The following MCM6 variants were observed in gnomAD, a reference collection of about 807,000 sequenced individuals.
The protein encoded by MCM6 is minichromosome maintenance complex component 6.
MCM6 carries 46 observed loss-of-function variants against 94.3 expected under a neutral mutation model. That is an observed-to-expected ratio of 0.49 (90% confidence interval 0.39 to 0.62). The LOEUF is 0.62. Ranked by LOEUF, MCM6 falls within the 20% of genes least tolerant of loss-of-function variation. The probability of loss-of-function intolerance (pLI) is 0.00; values close to 1 mark genes in which losing one functional copy is unlikely to be tolerated. For synonymous variants in MCM6, 335 were observed against 351.9 expected (o/e 0.95, Z 0.54); for missense variants, 865 against 1,017.9 (o/e 0.85, Z 2.04).
chr2:135,875,952 G>A (rs1680287701), intron 1 of MCM6, among the ~76,000 whole-genome samples: 2 of 152,224 alleles, frequency 1.3e-5, no homozygotes, highest in Non-Finnish European at 2.9e-5. Flanking sequence ...TTTCCGCGCC[G>A]GTCACCGAGG....
intron 11 of MCM6, among the ~76,000 whole-genome samples, chr2:135,855,872 G>A (rs1487492373): frequency 6.6e-6 from 1 of 151,992 alleles, no homozygotes; most frequent in Non-Finnish European, 1.5e-5. Flanking sequence ...CATCTGAAGT[G>A]CATTATTAAA....
Position 135,876,336 on chromosome 2 carries a change from G to A in MCM6, c.30C>T (p.Gly10=). The A allele has an allele frequency of 6.2e-7, 1 of 1,609,098 alleles. No homozygotes were observed. Among genetic ancestry groups the A allele is most frequent in the Non-Finnish European group, 8.5e-7 (1 of 1,179,164 alleles). MDLAAAAEP[G]AGSQHLEVRD... ...GGACCTCCAGGTGCTGGCTGCCGGC[G>A]CCCGGCTCCGCTGCCGCCGCGAGGT... The change falls in exon 1 of 17, where the codon GGC becomes GGT. Residue 10 remains glycine (G), a synonymous_variant. Coordinates refer to ENST00000264156, the MANE Select transcript of MCM6 (RefSeq NM_005915.6).
At chr2:135,855,052 AG>A (rs1172559217) in intron 11 of MCM6, among the ~76,000 whole-genome samples, 1 of 152,198 alleles carries the variant, frequency 6.6e-6, no homozygotes, top group African/African-American at 2.4e-5. Context: ...GCTACTCAGG[AG>A]GCTGAGGCAG....
chr2:135,866,667 A>C lies in MCM6; in HGVS notation c.677T>G (p.Val226Gly). The change falls in exon 5 of 17, where the codon GTA (valine) becomes GGA (glycine). Residue 226 changes from valine (V) to glycine (G), a missense_variant. By Grantham distance (109) the Val-to-Gly change is moderately radical (BLOSUM62 -3). Transcript: ENST00000264156. ...PRGSIPRSLE[V>G]ILRAEAVESA... ...TTCCACAGCTTCAGCCCTTAAAATTACTTCTAAACTGCGGGGGATACTCCC... is the reference window on the plus strand; with the variant it reads ...TTCCACAGCTTCAGCCCTTAAAATTCCTTCTAAACTGCGGGGGATACTCCC... 1 of 1,614,112 alleles carries C rather than the reference A, an allele frequency of 6.2e-7. No homozygotes were observed. Among genetic ancestry groups the C allele is most frequent in the Non-Finnish European group, 8.5e-7 (1 of 1,180,026 alleles).
In MCM6 at chr2:135,840,205, A is replaced by G. The variant is rs555352610; in HGVS notation, c.*630T>C. 6.9e-6 allele frequency: 1 copy of G among 145,702 alleles called. No homozygotes were observed. Among genetic ancestry groups the G allele is most frequent in the African/African-American group, 2.6e-5 (1 of 38,040 alleles). 9.0% of individuals were successfully genotyped at this position (145,702 alleles called of 1,614,324 possible). A position where few individuals can be genotyped will look rare whatever the true frequency, so the allele number is the denominator to read the frequency against. ...CTAAAGAGTAATTTTAAAAAAGTAT[A>G]ATAAACTTTTATAAACTTAAAAAAA... On this transcript the variant is annotated 3_prime_UTR_variant, in exon 17 of 17. Transcript: ENST00000264156.
At chr2:135,851,676 G>T (rs1679782250) in intron 12 of MCM6, 113 bp from the exon 13 acceptor site, 1 of 753,930 alleles carries the variant, frequency 1.3e-6, no homozygotes, top group African/African-American at 1.7e-5. Context: ...TGAGAGGGTT[G>T]AAACTTTGAG....
Position 135,846,366 on chromosome 2 carries a change from T to A in MCM6, c.2080A>T (p.Asn694Tyr), listed in dbSNP as rs1021636325. Residue 694 changes from asparagine to tyrosine, a missense_variant, in exon 15 of 17, where the codon AAC becomes TAC. Around this residue, in one of 3 missense-constraint regions of MCM6, gnomAD observed 308 missense variants for 324.5 expected, o/e 0.95. Coordinates refer to ENST00000264156, the MANE Select transcript of MCM6 (RefSeq NM_005915.6). ...NGHADSPAPV[N>Y]GINGYNEDIN... The stretch of plus-strand genomic sequence containing the variant: ...TCTTCATTGTAGCCATTGATCCCGT[T>A]CACAGGAGCAGGGCTGTCAGCATGA... The A allele has an allele frequency of 6.2e-7, 1 of 1,614,054 alleles. No homozygotes were observed. The highest frequency in any genetic ancestry group is 1.3e-5 in the African/African-American group (1 of 74,922).
Position 135,870,277 on chromosome 2 carries a change from T to A in MCM6, c.339A>T (p.Ala113=), listed in dbSNP as rs746417693. 4.7e-5 allele frequency: 76 copies of A among 1,613,848 alleles called. 2 individuals carry two copies. In the South Asian group the frequency reaches 7.8e-4, roughly 17 times the overall value. The change falls in exon 3 of 17, where the codon GCA becomes GCT. Residue 113 remains alanine, a synonymous_variant. Coordinates refer to ENST00000264156, the MANE Select transcript of MCM6 (RefSeq NM_005915.6). ...EIPLAKDFYV[A]FQDLPTRHKI... ...TGTGTCTGGTAGGCAGGTCTTGGAA[T>A]GCAACATAAAAATCCTTGGCAAGAG...
At chr2:135,846,543 A>G (rs4988263) in intron 14 of MCM6, 151 bp from the exon 15 acceptor site, 16,400 of 661,344 alleles carry the variant, frequency 0.025, 320 homozygotes, top group East Asian at 0.053. Context: ...GGGTCTTGCT[A>G]TGCTGCCCAG....
intron 11 of MCM6, among the ~76,000 whole-genome samples, chr2:135,854,794 G>A (rs1354637061): frequency 6.6e-6 from 1 of 151,918 alleles, no homozygotes; most frequent in Non-Finnish European, 1.5e-5. Flanking sequence ...GATTGTGTTA[G>A]CCCAGGAGGC....
intron 3 of MCM6, among the ~76,000 whole-genome samples, chr2:135,869,219 G>C (rs1680156453): frequency 6.6e-6 from 1 of 152,054 alleles, no homozygotes; most frequent in African/African-American, 2.4e-5. Flanking sequence ...TGGCCAACAT[G>C]GCGAAACCCC....
At chr2:135,873,929 T>A (rs1243308296) in intron 1 of MCM6, among the ~76,000 whole-genome samples, 1 of 152,218 alleles carries the variant, frequency 6.6e-6, no homozygotes, top group African/African-American at 2.4e-5. Context: ...GGTGGTGAAG[T>A]GACTGACTAG....
chr2:135,853,702 A>G (rs1404851628), intron 11 of MCM6, among the ~76,000 whole-genome samples: 1 of 149,340 alleles, frequency 6.7e-6, no homozygotes, highest in African/African-American at 2.5e-5. Flanking sequence ...CTTAGCCACT[A>G]AATTTTGAAG....
At chr2:135,870,425 C>A in intron 2 of MCM6, 64 bp from the exon 3 acceptor site, 1 of 1,061,022 alleles carries the variant, frequency 9.4e-7, no homozygotes, top group South Asian at 1.3e-5. Context: ...CCTTTACATA[C>A]CTACCAACAG....
In MCM6 at chr2:135,869,197, T is replaced by C. The variant is rs556684002; in HGVS notation, c.366-337A>G. ...GTGGGCGGATCATGAGGTCAAGAGA[T>C]CAAGACCATCCTGGCCAACATGGCG... On this transcript the variant is annotated intron_variant, in intron 3 of 16. Coordinates refer to ENST00000264156, the MANE Select transcript of MCM6 (RefSeq NM_005915.6). Among the ~76,000 whole-genome samples the C allele has an allele frequency of 2.6e-5, 4 of 152,116 alleles. No homozygotes were observed. In the South Asian group the frequency reaches 6.2e-4, roughly 24 times the overall value.
In MCM6 at chr2:135,876,350, C is replaced by T. The variant is rs754786359; in HGVS notation, c.16G>A (p.Ala6Thr). Residue 6 changes from alanine (A) to threonine (T), a missense_variant, in exon 1 of 17, where the codon GCA becomes ACA. By Grantham distance (58) the Ala-to-Thr change is moderately conservative (BLOSUM62 0). This residue lies in a region of MCM6 where 404 missense variants were observed against 451.9 expected (regional missense o/e 0.89). Transcript: ENST00000264156. MDLAA[A>T]AEPGAGSQHL... The stretch of plus-strand genomic sequence containing the variant: ...TGGCTGCCGGCGCCCGGCTCCGCTG[C>T]CGCCGCGAGGTCCATATTTGCTTAG... The T allele has an allele frequency of 1.9e-6, 3 of 1,607,780 alleles. No homozygotes were observed. The highest frequency in any genetic ancestry group is 2.2e-5 in the South Asian group (2 of 90,814).
intron 11 of MCM6, among the ~76,000 whole-genome samples, chr2:135,854,670 T>G (rs897701314): frequency 2.9e-4 from 44 of 151,662 alleles, no homozygotes; most frequent in African/African-American, 1.1e-3. Context: ...CTCAGGAGTT[T>G]GCAGCCAGCC....
rs779145315 is a variant in MCM6, at chr2:135,876,340, G to A, written c.26C>T (p.Pro9Leu). The A allele has an allele frequency of 2.5e-6, 4 of 1,608,806 alleles. No homozygotes were observed. Among genetic ancestry groups the A allele is most frequent in the Middle Eastern group, 1.7e-4 (1 of 6,022 alleles). Residue 9 changes from proline to leucine, a missense_variant, in exon 1 of 17, where the codon CCG becomes CTG. Physicochemically the swap from Pro to Leu is moderately conservative, Grantham distance 98. Around this residue, in one of 3 missense-constraint regions of MCM6, gnomAD observed 404 missense variants for 451.9 expected, o/e 0.89. Transcript: ENST00000264156. The stretch of plus-strand genomic sequence containing the variant: ...CTCCAGGTGCTGGCTGCCGGCGCCC[G>A]GCTCCGCTGCCGCCGCGAGGTCCAT... MDLAAAAE[P>L]GAGSQHLEVR...
chr2:135,847,292 A>T (rs944079741), intron 14 of MCM6, among the ~76,000 whole-genome samples: 1 of 152,100 alleles, frequency 6.6e-6, no homozygotes, highest in African/African-American at 2.4e-5. Flanking sequence ...TGGCGTGGGC[A>T]TATGTCCCAG....
Sources: allele counts gnomAD v4.1 joint callset (sites outside exome capture counted in the v4.1 genomes callset), GRCh38; gene constraint gnomAD v4.1.1; regional missense constraint gnomAD v4.1.1; transcripts MANE v1.5; gene names NCBI Gene and HGNC (gene_info 2026-07-23, HGNC 2026-07-21).